The following LUZP2 variants were observed in gnomAD, a reference collection of about 807,000 sequenced individuals.
LUZP2 encodes the protein leucine zipper protein 2.
Under a neutral mutation model 51.6 loss-of-function variants are expected in LUZP2, and 52 were observed. That is an observed-to-expected ratio of 1.01 (90% CI 0.81 to 1.27). The LOEUF (loss-of-function observed/expected upper bound fraction) is 1.27. Among genes scored for constraint, LUZP2 ranks in the 50% most tolerant of loss-of-function variants. The pLI, the probability that LUZP2 is intolerant of heterozygous loss-of-function variation, is 0.00. For synonymous variants in LUZP2, 154 were observed against 137.3 expected (o/e 1.12, Z -0.85); for missense variants, 436 against 395.4 (o/e 1.10, Z -0.87).
At chr11:24,799,593 A>C (rs1202848750) in intron 5 of LUZP2, among the ~76,000 whole-genome samples, 2 of 151,792 alleles carry the variant, frequency 1.3e-5, no homozygotes. Context: ...TGTTTCAAAA[A>C]AAAAAAAAAT....
chr11:25,075,471 A>G (rs1859273189), intron 10 of LUZP2, among the ~76,000 whole-genome samples: 1 of 152,186 alleles, frequency 6.6e-6, no homozygotes, highest in Non-Finnish European at 1.5e-5. Flanking sequence ...TAGAGATTAT[A>G]TATCGACCAC....
intron 1 of LUZP2, among the ~76,000 whole-genome samples, chr11:24,620,353 G>A (rs1426526135): frequency 6.6e-6 from 1 of 151,952 alleles, no homozygotes; most frequent in East Asian, 1.9e-4. Flanking sequence ...CAGTACAGGG[G>A]TATTGAGACT....
At chr11:24,507,338 G>A (rs1477460654) in intron 1 of LUZP2, among the ~76,000 whole-genome samples, 1 of 152,060 alleles carries the variant, frequency 6.6e-6, no homozygotes, top group Non-Finnish European at 1.5e-5. Flanking sequence ...TGTAGCTGAA[G>A]TCAGGAGAAT....
At chr11:24,808,363 G>A (rs939458202) in intron 5 of LUZP2, among the ~76,000 whole-genome samples, 3 of 152,060 alleles carry the variant, frequency 2.0e-5, no homozygotes, top group Non-Finnish European at 4.4e-5. Flanking sequence ...GATTTGCAAT[G>A]AACTCGATTC....
At chr11:24,799,778 T>C (rs1849644971) in intron 5 of LUZP2, among the ~76,000 whole-genome samples, 1 of 152,096 alleles carries the variant, frequency 6.6e-6, no homozygotes, top group African/African-American at 2.4e-5. Context: ...AAATCAAATA[T>C]GGGGAAATGA....
At chr11:24,895,955 A>C (rs1201717413) in intron 5 of LUZP2, among the ~76,000 whole-genome samples, 1 of 152,228 alleles carries the variant, frequency 6.6e-6, no homozygotes, top group Non-Finnish European at 1.5e-5. Context: ...CGTTCCCACC[A>C]ATACTGTATA....
At chr11:24,610,099 G>C (rs993478383) in intron 1 of LUZP2, among the ~76,000 whole-genome samples, 4 of 152,184 alleles carry the variant, frequency 2.6e-5, no homozygotes, top group African/African-American at 9.7e-5. Flanking sequence ...CCATTCCAAC[G>C]TAACTGTGTA....
At chr11:24,562,701 A>C (rs1371599867) in intron 1 of LUZP2, among the ~76,000 whole-genome samples, 1 of 124,408 alleles carries the variant, frequency 8.0e-6, no homozygotes, top group Non-Finnish European at 1.9e-5. Flanking sequence ...AAAAAATACA[A>C]AAAAAAAAAA....
chr11:24,961,204 T>G (rs1169809301), intron 7 of LUZP2, among the ~76,000 whole-genome samples: 1 of 152,206 alleles, frequency 6.6e-6, no homozygotes, highest in East Asian at 1.9e-4. Context: ...GGTGTGGTGC[T>G]GAAAAAAATG....
chr11:24,962,795 T>A (rs1290638919), intron 7 of LUZP2, among the ~76,000 whole-genome samples: 1 of 152,236 alleles, frequency 6.6e-6, no homozygotes, highest in Non-Finnish European at 1.5e-5. Flanking sequence ...CTTTGTTCCA[T>A]TGCTGGTGAG....
chr11:24,549,309 A>G (rs138827348), intron 1 of LUZP2, among the ~76,000 whole-genome samples: 2 of 152,220 alleles, frequency 1.3e-5, no homozygotes, highest in East Asian at 1.9e-4. Flanking sequence ...ACGCATCTTT[A>G]CGTCTTGTCC....
chr11:24,945,513 G>C (rs1311808644), intron 7 of LUZP2, among the ~76,000 whole-genome samples: 1 of 123,072 alleles, frequency 8.1e-6, no homozygotes, highest in East Asian at 3.3e-4. Flanking sequence ...TTTCAAATTT[G>C]CCTGTTTTTT....
At chr11:24,846,798 T>C (rs2134211957) in intron 5 of LUZP2, among the ~76,000 whole-genome samples, 1 of 151,982 alleles carries the variant, frequency 6.6e-6, no homozygotes, top group East Asian at 2.0e-4. Flanking sequence ...TCAGTCTCTC[T>C]CTTTTTCTTT....
At chr11:24,856,321 G>A (rs1851563706) in intron 5 of LUZP2, among the ~76,000 whole-genome samples, 2 of 151,890 alleles carry the variant, frequency 1.3e-5, no homozygotes, top group South Asian at 4.1e-4. Flanking sequence ...TGGACAAAAA[G>A]CATATGAAAA....
rs1859440038 is a variant in LUZP2 at position 25,080,811 on chromosome 11, C to G, written c.*2153C>G. 6.6e-6 allele frequency: 1 copy of G among 151,820 alleles called. No individual in the cohort carries two copies. The highest frequency in any genetic ancestry group is 2.4e-5 in the African/African-American group (1 of 41,332). The allele number at this position is 151,820 out of a possible 1,614,324, so 9.4% of individuals were successfully genotyped here. A position where few individuals can be genotyped will look rare whatever the true frequency, so the allele number is the denominator to read the frequency against. ...GAAAGTTATTCACCATGTAATCTAG[C>G]ACAGCATGTTTTGAAGCATCTTTGG... On this transcript the variant is annotated 3_prime_UTR_variant, in exon 12 of 12. Coordinates refer to ENST00000336930, the MANE Select transcript of LUZP2 (RefSeq NM_001009909.4).
At chr11:24,825,571 G>A (rs992968258) in intron 5 of LUZP2, among the ~76,000 whole-genome samples, 7 of 152,272 alleles carry the variant, frequency 4.6e-5, no homozygotes, top group Middle Eastern at 3.4e-3. Context: ...TGCAAATAAA[G>A]TATGAGTAGG....
intron 1 of LUZP2, among the ~76,000 whole-genome samples, chr11:24,497,922 C>A (rs530601586): frequency 6.6e-6 from 1 of 152,350 alleles, no homozygotes; most frequent in Admixed American, 6.5e-5. Flanking sequence ...AGAAGACACT[C>A]TCAGAGTGCT....
At chr11:24,826,190 A>AAATATATATATATATATATAT (rs1215786412) in intron 5 of LUZP2, among the ~76,000 whole-genome samples, 4 of 67,550 alleles carry the variant, frequency 5.9e-5, no homozygotes, top group African/African-American at 1.8e-4. Context: ...AAAAAAAAAA[A>AAATATATATATATATATATAT]ATATATATAT....
At chr11:24,895,968 T>C (rs939468294) in intron 5 of LUZP2, among the ~76,000 whole-genome samples, 3 of 152,244 alleles carry the variant, frequency 2.0e-5, no homozygotes. Flanking sequence ...ACTGTATAAG[T>C]GTTCCCTTTT....
Sources: gnomAD v4.1 joint callset for allele counts (sites outside exome capture counted in the v4.1 genomes callset) on GRCh38, gnomAD v4.1.1 for gene constraint, MANE v1.5 for transcripts, NCBI Gene and HGNC (gene_info 2026-07-23, HGNC 2026-07-21) for gene names.